The following DDX19A variants were observed in gnomAD, a reference collection of about 807,000 sequenced individuals.
The protein encoded by DDX19A is DEAD-box helicase 19A.
A neutral mutation model predicts 60.6 loss-of-function variants in DDX19A; 12 were observed. That is an observed-to-expected ratio of 0.20 (90% CI 0.13 to 0.32). The LOEUF (loss-of-function observed/expected upper bound fraction) is 0.32. Among genes scored for constraint, DDX19A ranks in the 10% least tolerant of loss-of-function variants. The pLI is 1.00. For missense variants in DDX19A, 337 were observed against 600.6 expected (o/e 0.56, Z 4.59); for synonymous variants, 206 against 218.2 (o/e 0.94, Z 0.49).
intron 9 of DDX19A, 129 bp from the exon 10 acceptor site, chr16:70,370,094 A>G: frequency 7.6e-7 from 1 of 1,314,016 alleles, no homozygotes; most frequent in Non-Finnish European, 1.0e-6. Flanking sequence ...CCCTTTGGGA[A>G]GCCAAGGCAG....
intron 1 of DDX19A, among the ~76,000 whole-genome samples, chr16:70,348,366 C>T (rs1963905892): frequency 6.6e-6 from 1 of 152,052 alleles, no homozygotes; most frequent in African/African-American, 2.4e-5. Flanking sequence ...TGGCACCCAC[C>T]TGTGATCCCA....
intron 1 of DDX19A, among the ~76,000 whole-genome samples, chr16:70,347,661 T>C (rs1211094290): frequency 1.3e-5 from 2 of 152,348 alleles, no homozygotes; most frequent in African/African-American, 4.8e-5. Flanking sequence ...TAGGTTTGTT[T>C]AGTGATAATG....
At chr16:70,367,204 G>A (rs1298522660) in intron 9 of DDX19A, among the ~76,000 whole-genome samples, 2 of 151,994 alleles carry the variant, frequency 1.3e-5, no homozygotes, top group African/African-American at 4.8e-5. Context: ...CGAGATGGGT[G>A]GATCACGAGG....
intron 1 of DDX19A, among the ~76,000 whole-genome samples, chr16:70,349,270 G>A (rs1963941491): frequency 6.6e-6 from 1 of 152,222 alleles, no homozygotes; most frequent in African/African-American, 2.4e-5. Context: ...ATATGAAGTG[G>A]TGTCAGGGAA....
At chr16:70,355,576 C>G (rs779121860) in intron 3 of DDX19A, 41 bp downstream of exon 3, 2 of 1,552,460 alleles carry the variant, frequency 1.3e-6, no homozygotes, top group Admixed American at 3.4e-5. Context: ...ACGGTATGAC[C>G]CAGGGCTTGC....
chr16:70,356,512 A>G (rs1964189598), intron 4 of DDX19A, among the ~76,000 whole-genome samples: 1 of 151,668 alleles, frequency 6.6e-6, no homozygotes, highest in Non-Finnish European at 1.5e-5. Flanking sequence ...GCCCACCACC[A>G]TGTCAAGCTA....
chr16:70,369,855 C>T (rs930224725), intron 9 of DDX19A, among the ~76,000 whole-genome samples: 2 of 152,046 alleles, frequency 1.3e-5, no homozygotes, highest in Admixed American at 1.3e-4. Flanking sequence ...AAGCGATCCA[C>T]GTGCCTCGTC....
intron 10 of DDX19A, chr16:70,371,145 G>A (rs1306664266): frequency 1.4e-6 from 1 of 718,654 alleles, no homozygotes; most frequent in African/African-American, 1.8e-5. Flanking sequence ...TCTCCCAGAG[G>A]ATTACCGACT....
intron 1 of DDX19A, among the ~76,000 whole-genome samples, chr16:70,348,651 A>AAAGG (rs10634597): frequency 7.1e-6 from 1 of 141,300 alleles, no homozygotes. Context: ...AAAAAAAAAG[A>AAAGG]GGTGAAGGCT....
At position 70,354,272 on chromosome 16, in the gene DDX19A, G is replaced by C. The variant is rs560309384; in HGVS notation, c.107-1213G>C. ...GCGATTCTCCTGCCTCAGCCTTCCC[G>C]AATAGCTGGGATTACAGGCATGCGC... On this transcript the variant is annotated intron_variant, in intron 2 of 11. Coordinates refer to ENST00000302243, the MANE Select transcript of DDX19A (RefSeq NM_018332.5). Among the ~76,000 whole-genome samples the C allele has an allele frequency of 4.6e-5, 7 of 151,892 alleles. No homozygotes were observed. In the South Asian group the frequency reaches 1.5e-3, roughly 32 times the overall value.
At chr16:70,360,291 AT>A (rs1166642375) in intron 4 of DDX19A, among the ~76,000 whole-genome samples, 71 of 138,538 alleles carry the variant, frequency 5.1e-4, no homozygotes, top group South Asian at 2.3e-3. Context: ...AAAAAAAAAA[AT>A]TTTTTTTTTC....
intron 9 of DDX19A, among the ~76,000 whole-genome samples, chr16:70,369,331 C>T (rs1164813087): frequency 2.0e-5 from 3 of 151,816 alleles, no homozygotes; most frequent in Non-Finnish European, 4.4e-5. Flanking sequence ...ATGCACATGC[C>T]ACCACGCCCA....
intron 1 of DDX19A, among the ~76,000 whole-genome samples, chr16:70,348,927 C>T (rs894266703): frequency 2.0e-5 from 3 of 151,936 alleles, no homozygotes; most frequent in East Asian, 1.9e-4. Context: ...GCATGGGTGA[C>T]GGTGAGACCC....
rs756532158 is a variant in DDX19A at position 70,361,413 on chromosome 16, C to T, written c.294-5C>T. The T allele has an allele frequency of 6.2e-7, 1 of 1,611,186 alleles. No homozygotes were observed. Among genetic ancestry groups the T allele is most frequent in the South Asian group, 1.1e-5 (1 of 91,034 alleles). The stretch of plus-strand genomic sequence containing the variant: ...CATCCATCCTCTGTCTTCCTGGCTT[C>T]CTAGGAAACCACAGCTTCTCCAGGG... On this transcript the variant is annotated splice_region_variant and splice_polypyrimidine_tract_variant and intron_variant, in intron 4 of 11. Coordinates refer to ENST00000302243, the MANE Select transcript of DDX19A (RefSeq NM_018332.5).
chr16:70,348,173 G>A (rs1051087588), intron 1 of DDX19A, among the ~76,000 whole-genome samples: 1 of 152,096 alleles, frequency 6.6e-6, no homozygotes, highest in Non-Finnish European at 1.5e-5. Flanking sequence ...TAAGGGATGG[G>A]TATAAGATAT....
At chr16:70,350,351 C>A (rs539906034) in intron 1 of DDX19A, among the ~76,000 whole-genome samples, 2 of 152,222 alleles carry the variant, frequency 1.3e-5, no homozygotes, top group African/African-American at 4.8e-5. Context: ...TCCACCCCTC[C>A]CCTTGTTTTA....
At chr16:70,356,864 G>A in intron 4 of DDX19A, 2 of 1,273,990 alleles carry the variant, frequency 1.6e-6, no homozygotes, top group Middle Eastern at 2.2e-4. Flanking sequence ...ATAAAATATT[G>A]GCTGACAGGT....
At chr16:70,371,846 G>A in intron 11 of DDX19A, 79 bp from the exon 12 acceptor site, 1 of 1,611,222 alleles carries the variant, frequency 6.2e-7, no homozygotes, top group Non-Finnish European at 8.5e-7. Flanking sequence ...GGAGCCTTTG[G>A]GCCTGAATGA....
intron 3 of DDX19A, chr16:70,355,779 T>C: frequency 1.7e-6 from 1 of 580,288 alleles, no homozygotes; most frequent in Non-Finnish European, 3.1e-6. Context: ...CTGGGCAACA[T>C]ACTGAGACCC....
Sources: gnomAD v4.1 joint callset for allele counts (sites outside exome capture counted in the v4.1 genomes callset) on GRCh38, gnomAD v4.1.1 for gene constraint, MANE v1.5 for transcripts, NCBI Gene and HGNC (gene_info 2026-07-23, HGNC 2026-07-21) for gene names.